Variants in ARHGAP44 observed in about 807,000 individuals in gnomAD.
ARHGAP44 encodes rho GTPase-activating protein 44.
ARHGAP44 carries 43 observed loss-of-function variants against 106.8 expected under a neutral mutation model. The observed-to-expected ratio is 0.40, with a 90% confidence interval of 0.32 to 0.52. The LOEUF is 0.52. ARHGAP44 is among the 20% of genes least tolerant of loss of function. ARHGAP44 has a pLI of 0.48. For synonymous variants in ARHGAP44, 439 were observed against 410.3 expected, an observed-to-expected ratio of 1.07 and a Z score of -0.85; for missense variants, 866 against 1,050.5, an observed-to-expected ratio of 0.82 and a Z score of 2.43.
Position 12,896,557 on chromosome 17 carries a change from G to A in ARHGAP44, c.198+46G>A, listed in dbSNP as rs574773463. On this transcript the variant is annotated intron_variant, in intron 3 of 20. Transcript: ENST00000379672. ...GGGGAGCTGAAATCTTGCCTACTGA[G>A]GACAAGGTTCCTACTCCTGTGACAC... 6 of 1,514,904 alleles carry A rather than the reference G, an allele frequency of 4.0e-6. No individual in the cohort carries two copies. In the Admixed American group the frequency reaches 7.8e-5, roughly 20 times the overall value. The allele number at this position is 1,514,904 out of a possible 1,614,324, so 93.8% of individuals were successfully genotyped here. A position where few individuals can be genotyped will look rare whatever the true frequency, so the allele number is the denominator to read the frequency against.
intron 1 of ARHGAP44, among the ~76,000 whole-genome samples, chr17:12,795,780 G>A (rs896198081): frequency 8.5e-5 from 13 of 152,062 alleles, no homozygotes; most frequent in African/African-American, 2.9e-4. Context: ...GAGTCAGAGA[G>A]TCAGGCCTCT....
chr17:12,802,820 G>A (rs1199834918), intron 1 of ARHGAP44, among the ~76,000 whole-genome samples: 3 of 135,080 alleles, frequency 2.2e-5, no homozygotes, highest in East Asian at 2.1e-4. Context: ...GTGCAGTGGC[G>A]TGAGCTCGGT....
chr17:12,938,601 A>C (rs932637136), intron 7 of ARHGAP44, among the ~76,000 whole-genome samples: 1 of 151,626 alleles, frequency 6.6e-6, no homozygotes. Context: ...AAAAAAAAAA[A>C]AACAGCTGCC....
chr17:12,829,631 C>T (rs1198772486), intron 1 of ARHGAP44, among the ~76,000 whole-genome samples: 1 of 152,118 alleles, frequency 6.6e-6, no homozygotes, highest in Non-Finnish European at 1.5e-5. Context: ...ATCAACCTGA[C>T]CTGTTCGTAT....
chr17:12,973,968 C>CTGCGCT (rs2039597810), intron 17 of ARHGAP44, 121 bp from the exon 18 acceptor site: 17 of 1,087,180 alleles, frequency 1.6e-5, no homozygotes, highest in Admixed American at 2.1e-5. Context: ...TCCCGGGCCC[C>CTGCGCT]CGGGGTGCTA....
At chr17:12,878,341 G>A (rs2036620561) in intron 1 of ARHGAP44, among the ~76,000 whole-genome samples, 1 of 151,978 alleles carries the variant, frequency 6.6e-6, no homozygotes, top group African/African-American at 2.4e-5. Flanking sequence ...AGATTTTTGT[G>A]GGTGGTGTTG....
intron 6 of ARHGAP44, among the ~76,000 whole-genome samples, chr17:12,922,725 AGTAGCTGGGATTACAG>A: frequency 6.8e-6 from 1 of 147,144 alleles, no homozygotes. Flanking sequence ...CAGCCTCCCG[AGTAGCTGGGATTACAG>A]GCACCTGCCA....
At chr17:12,797,944 T>C (rs2033973434) in intron 1 of ARHGAP44, among the ~76,000 whole-genome samples, 1 of 152,206 alleles carries the variant, frequency 6.6e-6, no homozygotes, top group African/African-American at 2.4e-5. Context: ...GTCAGTGTTG[T>C]TACTGTAGCT....
In ARHGAP44 at chr17:12,802,700, T is replaced by G. The variant is rs570157938; in HGVS notation, c.53+12809T>G. ...CTTGATCGATTTGCCAGGGTTCTACTTACTGATTTAGTGTGTTTCCTGGCA... is the reference window on the plus strand; with the variant it reads ...CTTGATCGATTTGCCAGGGTTCTACGTACTGATTTAGTGTGTTTCCTGGCA... On this transcript the variant is annotated intron_variant, in intron 1 of 20. Transcript: ENST00000379672. 5.9e-5 allele frequency among the ~76,000 whole-genome samples: 9 copies of G among 151,596 alleles called. No homozygotes were observed. The South Asian group carries it at 1.9e-3, about 32-fold the overall frequency.
At chr17:12,952,722 CTTTTTTTTTTTTTTTTTT>C (rs201371135) in intron 13 of ARHGAP44, 141 bp downstream of exon 13, 60 of 307,684 alleles carry the variant, frequency 2.0e-4, no homozygotes, top group Middle Eastern at 1.0e-3. Context: ...TGCATGGTCT[CTTTTTTTTTTTTTTTTTT>C]TTTTTTTTTT....
intron 2 of ARHGAP44, among the ~76,000 whole-genome samples, chr17:12,895,276 T>C (rs573826163): frequency 2.0e-5 from 3 of 152,336 alleles, no homozygotes; most frequent in Admixed American, 6.5e-5. Context: ...GACAGTACTT[T>C]GCATGATGAA....
At chr17:12,797,116 T>G (rs1228683078) in intron 1 of ARHGAP44, among the ~76,000 whole-genome samples, 3 of 152,210 alleles carry the variant, frequency 2.0e-5, no homozygotes, top group Non-Finnish European at 4.4e-5. Context: ...TATGTCTCTT[T>G]TTTCTTTTGG....
At chr17:12,965,856 C>T (rs1280589181) in intron 16 of ARHGAP44, among the ~76,000 whole-genome samples, 1 of 152,100 alleles carries the variant, frequency 6.6e-6, no homozygotes, top group Non-Finnish European at 1.5e-5. Flanking sequence ...TTGAACAGCA[C>T]ATTAAAATCC....
chr17:12,948,291 G>A (rs2038904627), intron 10 of ARHGAP44, among the ~76,000 whole-genome samples: 2 of 152,178 alleles, frequency 1.3e-5, no homozygotes, highest in Admixed American at 6.5e-5. Flanking sequence ...TCTTGAGAAC[G>A]GAATGCAGAG....
In ARHGAP44 at chr17:12,846,510, A is replaced by C. The variant is rs74821453; in HGVS notation, c.54-48430A>C. Among the ~76,000 whole-genome samples the C allele has an allele frequency of 2.3e-3, 351 of 152,360 alleles. 2 individuals are homozygous for C. Among genetic ancestry groups the C allele is most frequent in the Middle Eastern group, 0.014 (4 of 294 alleles). On this transcript the variant is annotated intron_variant, in intron 1 of 20. Coordinates refer to ENST00000379672, the MANE Select transcript of ARHGAP44 (RefSeq NM_014859.6). ...TAGGTGTGTTGTGCTTTTTAAAATG[A>C]TTGTGTCGTATTTCATTACACTGAT... is the stretch of plus-strand genomic sequence containing the variant.
chr17:12,886,964 G>GT (rs769468845), intron 1 of ARHGAP44, among the ~76,000 whole-genome samples: 7,505 of 108,528 alleles, frequency 0.069, 383 homozygotes, highest in East Asian at 0.2. Flanking sequence ...TTTTCTAAGA[G>GT]TTTTTTTTTT....
intron 1 of ARHGAP44, among the ~76,000 whole-genome samples, chr17:12,827,452 C>T (rs1386592661): frequency 2.6e-5 from 4 of 151,998 alleles, no homozygotes; most frequent in Non-Finnish European, 5.9e-5. Flanking sequence ...AAAATATTAG[C>T]TAAACAAACC....
chr17:12,802,314 A>G lies in ARHGAP44; in HGVS notation c.53+12423A>G, dbSNP rs149515154. Among the ~76,000 whole-genome samples, 51 of 152,286 alleles carry G rather than the reference A, an allele frequency of 3.3e-4. No individual in the cohort carries two copies. In the East Asian group the frequency reaches 8.3e-3, roughly 25 times the overall value. On this transcript the variant is annotated intron_variant, in intron 1 of 20. Coordinates refer to ENST00000379672, the MANE Select transcript of ARHGAP44 (RefSeq NM_014859.6). Reference sequence around the variant, plus strand: ...TTTGGGAAGGGTGGGGATGGTTGAAAAATCAAAGGGAAGAGCTGGACAGTG... The same window carrying G: ...TTTGGGAAGGGTGGGGATGGTTGAAGAATCAAAGGGAAGAGCTGGACAGTG...
At chr17:12,842,414 C>CAAAAAAAAAAA (rs558245390) in intron 1 of ARHGAP44, among the ~76,000 whole-genome samples, 10 of 56,206 alleles carry the variant, frequency 1.8e-4, no homozygotes, top group South Asian at 6.2e-4. Flanking sequence ...GAGACCATCT[C>CAAAAAAAAAAA]AAAAAAAAAA....
Sources: allele counts gnomAD v4.1 joint callset (sites outside exome capture counted in the v4.1 genomes callset), GRCh38; gene constraint gnomAD v4.1.1; transcripts MANE v1.5; gene names NCBI Gene and HGNC (gene_info 2026-07-23, HGNC 2026-07-21).